The following SYT3 variants were observed in gnomAD, a reference collection of about 807,000 sequenced individuals.
SYT3 encodes synaptotagmin-3.
A neutral mutation model predicts 50.6 loss-of-function variants in SYT3; 25 were observed. The ratio of observed to expected loss-of-function variants is 0.49; its 90% CI spans 0.36 to 0.69. The LOEUF (loss-of-function observed/expected upper bound fraction) is 0.69. Ranked by LOEUF, SYT3 falls within the 30% of genes least tolerant of loss-of-function variation. SYT3 has a pLI of 0.00. For synonymous variants in SYT3, 323 were observed against 353.9 expected (o/e 0.91, Z 0.98); for missense variants, 589 against 793.6 (o/e 0.74, Z 3.10).
Position 50,625,168 on chromosome 19 carries a change from T to C in SYT3, c.1701A>G (p.Leu567=), listed in dbSNP as rs375653616. The C allele has an allele frequency of 3.8e-6, 6 of 1,596,384 alleles. No individual in the cohort carries two copies. In the African/African-American group the frequency reaches 8.1e-5, roughly 21 times the overall value. ...GTGTGGGACCCCTACTCACCTCCAC[T>C]AGCTGATGCCAGTGCTCCACGGGCT... ...PRKPVEHWHQ[L]VEEKTVTSFT... Residue 567 remains leucine, a synonymous_variant, in exon 9 of 11, where the codon CTA becomes CTG. Transcript: ENST00000600079. The surrounding 1 kb of genome is among the most constrained non-coding windows in gnomAD (Gnocchi z 7.5).
At chr19:50,626,987 G>A (rs1483618828) in intron 6 of SYT3, among the ~76,000 whole-genome samples, 1 of 152,112 alleles carries the variant, frequency 6.6e-6, no homozygotes, top group East Asian at 1.9e-4. Flanking sequence ...CTCAGACAGA[G>A]TGGGACAAAG....
chr19:50,635,783 C>A (rs1288820013), intron 3 of SYT3, among the ~76,000 whole-genome samples: 1 of 152,194 alleles, frequency 6.6e-6, no homozygotes. Context: ...TCGTAATAGA[C>A]TGTGCATGCT....
chr19:50,629,266 G>A lies in SYT3; in HGVS notation c.1281+28C>T, dbSNP rs146417138. The A allele has an allele frequency of 3.2e-6, 5 of 1,555,074 alleles. No homozygotes were observed. The African/African-American group carries it at 5.5e-5, about 17-fold the overall frequency. ...CGGGGGGTCTCAGGGCCCTGGGAAG[G>A]GGAAGGTCAGGGGAGAGGGCCACTG... On this transcript the variant is annotated intron_variant, in intron 6 of 10. Coordinates refer to ENST00000600079, the MANE Select transcript of SYT3 (RefSeq NM_001160329.2).
At chr19:50,628,416 G>A (rs1207742666) in intron 6 of SYT3, among the ~76,000 whole-genome samples, 2 of 152,162 alleles carry the variant, frequency 1.3e-5, no homozygotes, top group East Asian at 3.8e-4. Flanking sequence ...CTGGATGCTG[G>A]GAGAACTGAG....
At chr19:50,636,908 A>T (rs544382005) in intron 3 of SYT3, among the ~76,000 whole-genome samples, 1 of 152,318 alleles carries the variant, frequency 6.6e-6, no homozygotes, top group East Asian at 1.9e-4. Context: ...CCAGAAGAAG[A>T]GTCACTTACC....
chr19:50,651,346 G>GTAAA, the SYT3 span, among the ~76,000 whole-genome samples: 1 of 152,066 alleles, frequency 6.6e-6, no homozygotes, highest in Non-Finnish European at 1.5e-5. Context: ...TCTTTATTTG[G>GTAAA]TAAATACCTT....
intron 4 of SYT3, among the ~76,000 whole-genome samples, chr19:50,630,881 C>T (rs898530382): frequency 7.9e-5 from 12 of 152,132 alleles, no homozygotes; most frequent in East Asian, 1.9e-4. Context: ...TTAATCTCCC[C>T]GGCTGTCTCT....
chr19:50,625,784 AG>A lies in SYT3; in HGVS notation c.1402+112del. 10 of 551,726 alleles carry A rather than the reference AG, an allele frequency of 1.8e-5. 4 individuals carry two copies. The highest frequency in any genetic ancestry group is 3.8e-5 in the South Asian group (2 of 53,258). 34.2% of individuals were successfully genotyped at this position (551,726 alleles called of 1,614,324 possible). On this transcript the variant is annotated intron_variant, in intron 7 of 10. Coordinates refer to ENST00000600079, the MANE Select transcript of SYT3 (RefSeq NM_001160329.2). The surrounding 1 kb of genome is among the most constrained non-coding windows in gnomAD (Gnocchi z 7.5). ...CCTCCTCCCTCAGACCCAGGAGTCCAGATCCCCAGCTCCTCCTCCCTCAGAC... is the reference window on the plus strand; with the variant it reads ...CCTCCTCCCTCAGACCCAGGAGTCCAATCCCCAGCTCCTCCTCCCTCAGAC...
At chr19:50,642,934 T>G (rs1334027387), upstream of SYT3, among the ~76,000 whole-genome samples, 1 of 152,170 alleles carries the variant, frequency 6.6e-6, no homozygotes, top group Non-Finnish European at 1.5e-5. Flanking sequence ...TGGCTAGTGT[T>G]TAGTGTTGTC....
chr19:50,656,436 A>C, the SYT3 span: 54 of 1,435,840 alleles, frequency 3.8e-5, no homozygotes, highest in Admixed American at 5.1e-5. Context: ...CAGAGTTTAA[A>C]TTCAGGCTTT....
At chr19:50,641,590 T>C (rs1187070233), upstream of SYT3, among the ~76,000 whole-genome samples, 1 of 151,724 alleles carries the variant, frequency 6.6e-6, no homozygotes, top group Admixed American at 6.6e-5. Flanking sequence ...CTCATGCCTG[T>C]AATCCTAGCA....
At chr19:50,626,038 A>G (rs760161717) in intron 6 of SYT3, 21 bp from the exon 7 acceptor site, 1 of 1,611,240 alleles carries the variant, frequency 6.2e-7, no homozygotes, top group Non-Finnish European at 8.5e-7. Flanking sequence ...GGAAAAGGTC[A>G]GCGATATCTT....
chr19:50,645,628 C>T, the SYT3 span, among the ~76,000 whole-genome samples: 1 of 152,150 alleles, frequency 6.6e-6, no homozygotes, highest in African/African-American at 2.4e-5. Context: ...ACTGTAGTCC[C>T]AGCACTTTGG....
At chr19:50,635,162 C>T (rs947551122) in intron 3 of SYT3, among the ~76,000 whole-genome samples, 1 of 151,990 alleles carries the variant, frequency 6.6e-6, no homozygotes, top group Admixed American at 6.6e-5. Context: ...CCCACCTCAG[C>T]CTCCCAAAGT....
chr19:50,649,701 C>A, the SYT3 span: 5 of 710,448 alleles, frequency 7.0e-6, no homozygotes, highest in East Asian at 2.8e-5. Flanking sequence ...TTCCCATGAG[C>A]CTCTGCAGTT....
rs769526848 is a variant in SYT3 at position 50,639,627 on chromosome 19, G to A, written c.-154+163C>T. 1.1e-4 allele frequency among the ~76,000 whole-genome samples: 17 copies of A among 151,818 alleles called. No homozygotes were observed. Among genetic ancestry groups the A allele is most frequent in the Non-Finnish European group, 1.8e-4 (12 of 67,916 alleles). On this transcript the variant is annotated intron_variant, in intron 1 of 10. Coordinates refer to ENST00000600079, the MANE Select transcript of SYT3 (RefSeq NM_001160329.2). This position sits in a 1 kb window ranked among gnomAD's most constrained non-coding sequence, Gnocchi z 4.6. ...TTTCGGGACCCCCTTCCAGGGCCAC[G>A]TGCCCCTCCCCCGGGGTGGCCAGAG...
At chr19:50,643,891 C>A (rs1984719700), upstream of SYT3, among the ~76,000 whole-genome samples, 1 of 152,010 alleles carries the variant, frequency 6.6e-6, no homozygotes, top group Non-Finnish European at 1.5e-5. Context: ...TGAGAGAGGT[C>A]AGAGAAGTTC....
the SYT3 span, among the ~76,000 whole-genome samples, chr19:50,655,837 T>C: frequency 3.9e-5 from 6 of 152,156 alleles, no homozygotes; most frequent in African/African-American, 1.2e-4. Context: ...GGAACCCAGC[T>C]GTTGAAGGAG....
At chr19:50,655,326 A>G in the SYT3 span, among the ~76,000 whole-genome samples, 2 of 152,188 alleles carry the variant, frequency 1.3e-5, no homozygotes, top group African/African-American at 4.8e-5. Context: ...TGAAGTTCCA[A>G]TCAGGAGACT....
Sources: gnomAD v4.1 joint callset for allele counts (sites outside exome capture counted in the v4.1 genomes callset) on GRCh38, gnomAD v4.1.1 for gene constraint, Gnocchi (gnomAD v3.1) non-coding constraint, MANE v1.5 for transcripts, NCBI Gene and HGNC (gene_info 2026-07-23, HGNC 2026-07-21) for gene names.